AGAP4: variants seen among roughly 807,000 people sequenced by gnomAD.
AGAP4 encodes the protein ArfGAP with GTPase domain, ankyrin repeat and PH domain 4.
AGAP4 carries 13 observed loss-of-function variants against 60.7 expected under a neutral mutation model. That is an observed-to-expected ratio of 0.21 (90% CI 0.14 to 0.34). The LOEUF is 0.34. Ranked by LOEUF, AGAP4 falls within the 10% of genes least tolerant of loss-of-function variation. The probability of loss-of-function intolerance (pLI) is 1.00; values close to 1 mark genes in which losing one functional copy is unlikely to be tolerated. For synonymous variants in AGAP4, 70 were observed against 339.0 expected, an observed-to-expected ratio of 0.21 and a Z score of 8.72; for missense variants, 169 against 884.0, an observed-to-expected ratio of 0.19 and a Z score of 10.26.
chr10:45,828,974 G>C (rs1231820204), intron 6 of AGAP4, among the ~76,000 whole-genome samples: 3 of 67,852 alleles, frequency 4.4e-5, no homozygotes, highest in African/African-American at 1.7e-4. Context: ...TGGGATTACA[G>C]GCCTGAGCCA....
intron 5 of AGAP4, among the ~76,000 whole-genome samples, chr10:45,833,091 GTA>G (rs1281053650): frequency 7.3e-6 from 1 of 136,782 alleles, no homozygotes; most frequent in Non-Finnish European, 1.6e-5. Context: ...TAATTTTTGT[GTA>G]TGTGTGCTCA....
intron 4 of AGAP4, among the ~76,000 whole-genome samples, chr10:45,839,973 C>G (rs1242710349): frequency 1.3e-5 from 2 of 150,022 alleles, no homozygotes; most frequent in African/African-American, 5.0e-5. Flanking sequence ...AAAATCAATG[C>G]AGGCGTACTG....
chr10:45,853,093 G>A (rs2059104007), intron 1 of AGAP4, among the ~76,000 whole-genome samples: 2 of 151,640 alleles, frequency 1.3e-5, no homozygotes, highest in African/African-American at 4.9e-5. Context: ...TAAGAGAACA[G>A]AAAAAATGAG....
At chr10:45,853,688 T>G in exon 1 of AGAP4, 2 of 1,287,758 alleles carry the variant, frequency 1.6e-6, no homozygotes, top group Non-Finnish European at 2.0e-6. Context: ...AGAAGCCCTT[T>G]GGATGTTGGT....
At chr10:45,852,127 T>C (rs2059090487), upstream of AGAP4, among the ~76,000 whole-genome samples, 1 of 148,766 alleles carries the variant, frequency 6.7e-6, no homozygotes, top group African/African-American at 2.5e-5. Flanking sequence ...TTAGGCAGGA[T>C]GGTCTCCGTC....
chr10:45,846,045 G>A (rs1322579565), intron 2 of AGAP4, among the ~76,000 whole-genome samples: 11 of 130,350 alleles, frequency 8.4e-5, no homozygotes, highest in Non-Finnish European at 1.3e-4. Flanking sequence ...CACATTGAAA[G>A]TCTACATTGA....
intron 2 of AGAP4, among the ~76,000 whole-genome samples, chr10:45,845,647 G>GGCTGGAGT (rs1225615854): frequency 9.2e-6 from 1 of 109,012 alleles, no homozygotes; most frequent in Non-Finnish European, 2.0e-5. Context: ...CTGTCACCCA[G>GGCTGGAGT]GCTGGAGTGC....
At chr10:45,835,067 C>A (rs1270989064) in intron 4 of AGAP4, among the ~76,000 whole-genome samples, 1 of 145,438 alleles carries the variant, frequency 6.9e-6, no homozygotes, top group African/African-American at 2.7e-5. Context: ...GCCACGGCGC[C>A]CAGCCCTTCT....
At position 45,828,028 on chromosome 10, in the gene AGAP4, C is replaced by A. The variant is rs2058673464; in HGVS notation, c.585+1G>T. 1 of 575,404 alleles carries A rather than the reference C, an allele frequency of 1.7e-6. No homozygotes were observed. The highest frequency in any genetic ancestry group is 3.3e-5 in the Admixed American group (1 of 30,516). 35.6% of individuals were successfully genotyped at this position (575,404 alleles called of 1,614,324 possible). ...ACAACCTCAATAAAAGTGCCACTTA[C>A]CGCAAATGAGTGTAACTGTTCATCA... On this transcript the variant is annotated splice_donor_variant, in intron 7 of 7. Coordinates refer to ENST00000616763, the MANE Select transcript of AGAP4 (RefSeq NM_001276343.3). LOFTEE classifies it high-confidence loss of function.
In AGAP4 at chr10:45,826,964, T is replaced by C. The variant is rs782423403; in HGVS notation, c.1012A>G (p.Ile338Val). 96 of 1,429,358 alleles carry C rather than the reference T, an allele frequency of 6.7e-5. 16 individuals are homozygous for C. Among genetic ancestry groups the C allele is most frequent in the South Asian group, 4.1e-4 (33 of 81,240 alleles). The allele number at this position is 1,429,358 out of a possible 1,614,324, so 88.5% of individuals were successfully genotyped here. Residue 338 changes from isoleucine to valine, a missense_variant, in exon 8 of 8, where the codon ATC (isoleucine) becomes GTC (valine). By Grantham distance (29) the Ile-to-Val change is conservative (BLOSUM62 3). Coordinates refer to ENST00000616763, the MANE Select transcript of AGAP4 (RefSeq NM_001276343.3). ...KKEIDLQTST[I>V]KVPGKWPSLA... ...GATGGCCACTTTCCTGGGACTTTGA[T>C]GGTAGATGTCTGAAGGTCAATCTCT...
rs1300044527 is a variant in AGAP4, at chr10:45,841,791, A to C, written c.362-104T>G. 15 of 1,173,508 alleles carry C rather than the reference A, an allele frequency of 1.3e-5. No homozygotes were observed. The South Asian group carries it at 1.3e-4, about 10-fold the overall frequency. 72.7% of individuals were successfully genotyped at this position (1,173,508 alleles called of 1,614,324 possible). A position where few individuals can be genotyped will look rare whatever the true frequency, so the allele number is the denominator to read the frequency against. On this transcript the variant is annotated intron_variant, in intron 3 of 7. Transcript: ENST00000616763. ...TTACTCCTATGAAAAATGAGACAAA[A>C]TTCCATTAAAAAAAAAATTTTCAAT...
intron 4 of AGAP4, among the ~76,000 whole-genome samples, chr10:45,834,965 G>T (rs1554897648): frequency 6.8e-6 from 1 of 146,452 alleles, no homozygotes; most frequent in Non-Finnish European, 1.5e-5. Flanking sequence ...AGTAGAGACG[G>T]GGTTTCACCG....
At chr10:45,838,152 T>A (rs2135945678) in intron 4 of AGAP4, among the ~76,000 whole-genome samples, 1 of 149,896 alleles carries the variant, frequency 6.7e-6, no homozygotes, top group Middle Eastern at 3.4e-3. Flanking sequence ...CCCAGCAACC[T>A]GGATGGAAGT....
At chr10:45,834,442 G>C (rs2058779280) in intron 4 of AGAP4, among the ~76,000 whole-genome samples, 1 of 139,734 alleles carries the variant, frequency 7.2e-6, no homozygotes, top group Non-Finnish European at 1.5e-5. Context: ...TTGGGAGGTG[G>C]AGGCGGGCGG....
intron 5 of AGAP4, among the ~76,000 whole-genome samples, chr10:45,832,491 T>C (rs1201300322): frequency 2.1e-5 from 3 of 146,298 alleles, no homozygotes; most frequent in East Asian, 3.9e-4. Flanking sequence ...TAATTAGTAT[T>C]GGGTATGGCT....
chr10:45,838,799 C>A lies in AGAP4; in HGVS notation c.396+2854G>T, dbSNP rs1379721724. Among the ~76,000 whole-genome samples the A allele has an allele frequency of 6.4e-4, 97 of 151,808 alleles. No individual in the cohort carries two copies. In the Middle Eastern group the frequency reaches 0.01, roughly 16 times the overall value. On this transcript the variant is annotated intron_variant, in intron 4 of 7. Transcript: ENST00000616763. ...CGATGTTGACCAGGCTAAAAATGAACAAATCTTAATTAACTTAAATATTTC... is the reference window on the plus strand; with the variant it reads ...CGATGTTGACCAGGCTAAAAATGAAAAAATCTTAATTAACTTAAATATTTC...
rs1370501428 is a variant in AGAP4 at position 45,844,313 on chromosome 10, A to C, written c.361+13T>G. 7.8e-5 allele frequency: 125 copies of C among 1,594,264 alleles called. 14 individuals carry two copies. The African/African-American group carries it at 1.7e-3, about 22-fold the overall frequency. ...TATTCTTTCTCTTGGTGGAAAAAAC[A>C]ATGTCGTCTCACCATCTGTTTGAGA... On this transcript the variant is annotated intron_variant, in intron 3 of 7. Coordinates refer to ENST00000616763, the MANE Select transcript of AGAP4 (RefSeq NM_001276343.3).
chr10:45,843,585 T>G (rs1471031787), intron 3 of AGAP4, among the ~76,000 whole-genome samples: 4 of 128,342 alleles, frequency 3.1e-5, no homozygotes, highest in African/African-American at 1.2e-4. Flanking sequence ...CAAAGTCTAC[T>G]CAAACTATAA....
chr10:45,850,222 C>G (rs1411663955), upstream of AGAP4, among the ~76,000 whole-genome samples: 1 of 149,118 alleles, frequency 6.7e-6, no homozygotes, highest in Non-Finnish European at 1.5e-5. Flanking sequence ...AGCCACCACT[C>G]CCGAACAGAA....
Sources: gnomAD v4.1 joint callset for allele counts (sites outside exome capture counted in the v4.1 genomes callset) on GRCh38, gnomAD v4.1.1 for gene constraint, MANE v1.5 for transcripts, NCBI Gene and HGNC (gene_info 2026-07-23, HGNC 2026-07-21) for gene names.